Variants in DCLK2 observed in about 807,000 individuals in gnomAD.
DCLK2 encodes doublecortin like kinase 2.
In DCLK2, 31 loss-of-function variants were observed where a neutral mutation model predicts 78.4. That is an observed-to-expected ratio of 0.40 (90% confidence interval 0.30 to 0.53). The LOEUF (loss-of-function observed/expected upper bound fraction) is 0.53, where lower values mean the gene tolerates loss of function less well. DCLK2 is among the 20% of genes least tolerant of loss of function. DCLK2 has a pLI of 0.61. For synonymous variants in DCLK2, 407 were observed against 374.9 expected, an observed-to-expected ratio of 1.09 and a Z score of -0.99; for missense variants, 872 against 973.7, an observed-to-expected ratio of 0.90 and a Z score of 1.39.
At chr4:150,171,246 C>T (rs1250761679) in intron 2 of DCLK2, among the ~76,000 whole-genome samples, 2 of 152,190 alleles carry the variant, frequency 1.3e-5, no homozygotes, top group Non-Finnish European at 2.9e-5. Context: ...TTTGGGAGGC[C>T]GAGGCGGGTG....
intron 2 of DCLK2, among the ~76,000 whole-genome samples, chr4:150,178,379 A>C (rs1737237465): frequency 6.6e-6 from 1 of 152,216 alleles, no homozygotes; most frequent in South Asian, 2.1e-4. Context: ...GCCTCAGCCA[A>C]TATCAATTTC....
intron 1 of DCLK2, among the ~76,000 whole-genome samples, chr4:150,092,385 A>C (rs1412563176): frequency 6.6e-6 from 1 of 152,142 alleles, no homozygotes; most frequent in East Asian, 1.9e-4. Flanking sequence ...GAACTTTCAC[A>C]CTGTTTCCAT....
At chr4:150,163,972 T>G (rs1189388996) in intron 2 of DCLK2, among the ~76,000 whole-genome samples, 3 of 152,240 alleles carry the variant, frequency 2.0e-5, no homozygotes, top group Non-Finnish European at 4.4e-5. Flanking sequence ...AGCTGTGATC[T>G]CACTATGTTG....
chr4:150,209,451 A>C (rs1046444604), intron 5 of DCLK2, among the ~76,000 whole-genome samples: 1 of 152,208 alleles, frequency 6.6e-6, no homozygotes, highest in Non-Finnish European at 1.5e-5. Flanking sequence ...GATCTCCTCG[A>C]GACTCTGGTT....
At chr4:150,214,527 A>G (rs1296073608) in intron 5 of DCLK2, among the ~76,000 whole-genome samples, 4 of 152,252 alleles carry the variant, frequency 2.6e-5, no homozygotes, top group Non-Finnish European at 4.4e-5. Context: ...TGTTTTTCTG[A>G]ATAAATGTTA....
chr4:150,221,929 C>T, intron 7 of DCLK2, 144 bp downstream of exon 7: 1 of 495,488 alleles, frequency 2.0e-6, no homozygotes, highest in East Asian at 3.7e-5. Flanking sequence ...TTCCCTGAGT[C>T]TGCCCTTGGG....
chr4:150,252,273 A>G (rs1257989103), intron 15 of DCLK2, among the ~76,000 whole-genome samples: 1 of 152,234 alleles, frequency 6.6e-6, no homozygotes, highest in Non-Finnish European at 1.5e-5. Context: ...TGGAAAATTT[A>G]GAAAAATAAA....
intron 2 of DCLK2, among the ~76,000 whole-genome samples, chr4:150,148,790 T>A (rs1327356886): frequency 6.6e-6 from 1 of 151,490 alleles, no homozygotes; most frequent in Non-Finnish European, 1.5e-5. Flanking sequence ...CCCAGCAGTT[T>A]CGGAGGGCAA....
At chr4:150,186,995 T>C (rs1738007477) in intron 2 of DCLK2, among the ~76,000 whole-genome samples, 2 of 152,082 alleles carry the variant, frequency 1.3e-5, no homozygotes, top group Non-Finnish European at 2.9e-5. Flanking sequence ...AAGAGGTCTA[T>C]TGTTAAATAT....
At chr4:150,203,694 C>A in intron 4 of DCLK2, 101 bp from the exon 5 acceptor site, 2 of 785,716 alleles carry the variant, frequency 2.5e-6, no homozygotes, top group East Asian at 2.9e-5. Flanking sequence ...CGAGTTGAAG[C>A]TTCATTGGAC....
At chr4:150,080,878 C>A (rs1324706200) in intron 1 of DCLK2, among the ~76,000 whole-genome samples, 1 of 152,192 alleles carries the variant, frequency 6.6e-6, no homozygotes, top group Non-Finnish European at 1.5e-5. Flanking sequence ...CTTGTGACTT[C>A]ACCCATTCTG....
chr4:150,235,851 C>T (rs766835755), intron 10 of DCLK2, among the ~76,000 whole-genome samples: 33 of 152,328 alleles, frequency 2.2e-4, no homozygotes, highest in African/African-American at 3.1e-4. Flanking sequence ...TCCCGCTCTC[C>T]GGTAAGCAGC....
At chr4:150,143,853 G>A (rs1239747091) in intron 2 of DCLK2, among the ~76,000 whole-genome samples, 1 of 151,642 alleles carries the variant, frequency 6.6e-6, no homozygotes, top group Non-Finnish European at 1.5e-5. Flanking sequence ...TTCTTCTTTT[G>A]AGAAGTGTCT....
At chr4:150,240,545 T>C in intron 12 of DCLK2, 69 bp downstream of exon 12, 1 of 1,425,144 alleles carries the variant, frequency 7.0e-7, no homozygotes, top group Non-Finnish European at 9.6e-7. Flanking sequence ...GCAGGTACTT[T>C]GCTCCTGGAA....
chr4:150,249,959 T>C (rs1048052714), intron 15 of DCLK2, among the ~76,000 whole-genome samples: 1 of 152,154 alleles, frequency 6.6e-6, no homozygotes, highest in East Asian at 1.9e-4. Flanking sequence ...CTTCCACTCT[T>C]GTCTCTGCCT....
chr4:150,147,124 A>T (rs999307414), intron 2 of DCLK2, among the ~76,000 whole-genome samples: 1 of 151,976 alleles, frequency 6.6e-6, no homozygotes, highest in African/African-American at 2.4e-5. Flanking sequence ...TTCTACCAAA[A>T]AAAAAATAAA....
In DCLK2 at chr4:150,172,801, G is replaced by T. The variant is rs561352638; in HGVS notation, c.757-20337G>T. ...ACCTTGCTCTTTCTCATCTTTGCCT[G>T]GCAGTACAAAAAATTTTGCTAGATC... On this transcript the variant is annotated intron_variant, in intron 2 of 15. Coordinates refer to ENST00000296550, the MANE Select transcript of DCLK2 (RefSeq NM_001040260.4). 1.1e-4 allele frequency among the ~76,000 whole-genome samples: 16 copies of T among 145,218 alleles called. 1 individual carries two copies. The South Asian group carries it at 2.9e-3, about 26-fold the overall frequency.
rs969365112 is a variant in DCLK2, at chr4:150,255,941, T to C, written c.2074-79T>C. On this transcript the variant is annotated intron_variant, in intron 15 of 15. Transcript: ENST00000296550. ...CTGTTTCTGAGGCCCGTGCATGCTC[T>C]GTTGTGCTCTCTGCTCGTGGCAGCT... 6 of 1,546,148 alleles carry C rather than the reference T, an allele frequency of 3.9e-6. No individual in the cohort carries two copies. The African/African-American group carries it at 6.8e-5, about 18-fold the overall frequency.
intron 5 of DCLK2, among the ~76,000 whole-genome samples, chr4:150,217,212 A>G (rs1358052657): frequency 6.6e-6 from 1 of 152,226 alleles, no homozygotes; most frequent in Non-Finnish European, 1.5e-5. Context: ...TGCAAAGGAA[A>G]TGATGAGAAT....
Sources: gnomAD v4.1 joint callset for allele counts (sites outside exome capture counted in the v4.1 genomes callset) on GRCh38, gnomAD v4.1.1 for gene constraint, MANE v1.5 for transcripts, NCBI Gene and HGNC (gene_info 2026-07-23, HGNC 2026-07-21) for gene names.